Variants in POT1 observed in about 807,000 individuals in gnomAD.
POT1 encodes the protein protection of telomeres protein 1.
In POT1, 47 loss-of-function variants were observed where a neutral mutation model predicts 78.5. That is an observed-to-expected ratio of 0.60 (90% CI 0.47 to 0.76). POT1 has a LOEUF of 0.76. Among genes scored for constraint, POT1 ranks in the 30% least tolerant of loss-of-function variants. The probability of loss-of-function intolerance (pLI) is 0.00; values close to 1 mark genes in which losing one functional copy is unlikely to be tolerated. For synonymous variants in POT1, 259 were observed against 260.7 expected, an observed-to-expected ratio of 0.99 and a Z score of 0.06; for missense variants, 646 against 749.9, an observed-to-expected ratio of 0.86 and a Z score of 1.62.
intron 6 of POT1, among the ~76,000 whole-genome samples, chr7:124,885,429 G>A (rs1261780701): frequency 6.6e-6 from 1 of 151,714 alleles, no homozygotes; most frequent in Non-Finnish European, 1.5e-5. Context: ...CTATGATCTC[G>A]GCAGTGCACT....
intron 8 of POT1, among the ~76,000 whole-genome samples, chr7:124,861,298 T>C (rs530228722): frequency 6.6e-6 from 1 of 152,376 alleles, no homozygotes; most frequent in East Asian, 1.9e-4. Flanking sequence ...ATTGCCATTC[T>C]AACTGGCGTG....
intron 9 of POT1, chr7:124,853,523 A>C (rs1452831523): frequency 6.5e-6 from 1 of 154,382 alleles, no homozygotes; most frequent in Non-Finnish European, 1.4e-5. Flanking sequence ...AAGGTTTCTG[A>C]AAATGCCTTG....
intron 6 of POT1, among the ~76,000 whole-genome samples, chr7:124,878,720 A>T (rs1796048839): frequency 6.6e-6 from 1 of 152,152 alleles, no homozygotes; most frequent in Admixed American, 6.5e-5. Flanking sequence ...AATGATAGCA[A>T]CAAAAAAGAA....
rs1441572601 is a variant in POT1 at position 124,911,951 on chromosome 7, T to G, written c.-154+3623A>C. ...GAATTCTCAGCTAATCCAAAACCCTTATTTTATATTTGATTAAATTTGAAT... is the reference window on the plus strand; with the variant it reads ...GAATTCTCAGCTAATCCAAAACCCTGATTTTATATTTGATTAAATTTGAAT... On this transcript the variant is annotated intron_variant, in intron 3 of 18. Coordinates refer to ENST00000357628, the MANE Select transcript of POT1 (RefSeq NM_015450.3). Among the ~76,000 whole-genome samples the G allele has an allele frequency of 2.0e-5, 3 of 152,082 alleles. No individual in the cohort carries two copies. The East Asian group carries it at 5.8e-4, about 29-fold the overall frequency.
In POT1 at chr7:124,851,923, T is replaced by G; in HGVS notation, c.898A>C (p.Asn300His). ...KDLESANLTA[N>H]QHSDVICQSE... The stretch of plus-strand genomic sequence containing the variant: ...TGACAGATAACATCTGAATGCTGAT[T>G]GGCTGTCAAATTTGCAGATTCTAAA... Residue 300 changes from asparagine to histidine, a missense_variant, in exon 11 of 19, where the codon AAT (asparagine) becomes CAT (histidine). This residue lies in a region of POT1 where 394 missense variants were observed against 408.4 expected (regional missense o/e 0.96). Coordinates refer to ENST00000357628, the MANE Select transcript of POT1 (RefSeq NM_015450.3). 1 of 1,611,562 alleles carries G rather than the reference T, an allele frequency of 6.2e-7. No homozygotes were observed. The highest frequency in any genetic ancestry group is 8.5e-7 in the Non-Finnish European group (1 of 1,177,998).
At position 124,823,957 on chromosome 7, in the gene POT1, C is replaced by T. The variant is rs1309054640; in HGVS notation, c.*5G>A. ...ATTTTATGTATGCTAAATTGGATGGCAATATTAGATTACATCTTCTGCAAC... is the reference window on the plus strand; with the variant it reads ...ATTTTATGTATGCTAAATTGGATGGTAATATTAGATTACATCTTCTGCAAC... On this transcript the variant is annotated 3_prime_UTR_variant, in exon 19 of 19. Transcript: ENST00000357628. The T allele has an allele frequency of 2.0e-6, 3 of 1,532,926 alleles. No individual in the cohort carries two copies. Among genetic ancestry groups the T allele is most frequent in the Middle Eastern group, 1.7e-4 (1 of 5,920 alleles). The allele number at this position is 1,532,926 out of a possible 1,614,324, so 95.0% of individuals were successfully genotyped here.
At chr7:124,917,712 C>T (rs76055894) in intron 2 of POT1, among the ~76,000 whole-genome samples, 2,579 of 152,152 alleles carry the variant, frequency 0.017, 71 homozygotes, top group African/African-American at 0.059. Context: ...TGTATGTGAT[C>T]CAACTAGAAG....
intron 3 of POT1, among the ~76,000 whole-genome samples, chr7:124,902,826 G>A (rs1342632279): frequency 1.3e-5 from 2 of 152,052 alleles, no homozygotes; most frequent in Non-Finnish European, 2.9e-5. Context: ...AAGGGATGGA[G>A]GAAGATCTAC....
chr7:124,879,831 ACATT>A (rs1282974688), intron 6 of POT1, among the ~76,000 whole-genome samples: 1 of 152,154 alleles, frequency 6.6e-6, no homozygotes, highest in Non-Finnish European at 1.5e-5. Flanking sequence ...CCTACTACAT[ACATT>A]AACGGTTTCA....
Position 124,857,567 on chromosome 7 carries a change from T to C in POT1, c.702+1390A>G, listed in dbSNP as rs563631044. ...AGAGGCAGCTGGCCATCAGACACTA[T>C]GGCTGGATGTCAGAGAGAAGCAGCT... On this transcript the variant is annotated intron_variant, in intron 9 of 18. Transcript: ENST00000357628. Among the ~76,000 whole-genome samples the C allele has an allele frequency of 1.2e-4, 19 of 152,302 alleles. No homozygotes were observed. In the East Asian group the frequency reaches 2.7e-3, roughly 22 times the overall value.
In POT1 at chr7:124,866,854, G is replaced by A. The variant is rs117243507; in HGVS notation, c.256-3214C>T. Among the ~76,000 whole-genome samples, 235 of 152,272 alleles carry A rather than the reference G, an allele frequency of 1.5e-3. 2 individuals carry two copies. Among genetic ancestry groups the A allele is most frequent in the Non-Finnish European group, 2.8e-3 (190 of 68,022 alleles). Reference sequence around the variant, plus strand: ...CTAGTCTAGTACCAGTTAATTTTTCGTAACACAGAAGTTCGCTCTGCAGAT... The same window carrying A: ...CTAGTCTAGTACCAGTTAATTTTTCATAACACAGAAGTTCGCTCTGCAGAT... On this transcript the variant is annotated intron_variant, in intron 7 of 18. Coordinates refer to ENST00000357628, the MANE Select transcript of POT1 (RefSeq NM_015450.3).
intron 14 of POT1, 113 bp downstream of exon 14, chr7:124,840,860 A>G (rs1332253127): frequency 5.4e-6 from 4 of 741,032 alleles, no homozygotes; most frequent in Non-Finnish European, 8.3e-6. Flanking sequence ...AAATTTAAAT[A>G]CTATTTTTAC....
At chr7:124,909,329 A>C (rs975765805) in intron 3 of POT1, among the ~76,000 whole-genome samples, 1 of 151,924 alleles carries the variant, frequency 6.6e-6, no homozygotes, top group Non-Finnish European at 1.5e-5. Flanking sequence ...GCAAGGATTA[A>C]AATCTTGTTA....
chr7:124,888,233 T>C (rs12530704), intron 6 of POT1, among the ~76,000 whole-genome samples: 211 of 152,190 alleles, frequency 1.4e-3, no homozygotes, highest in African/African-American at 4.7e-3. Context: ...ACTTTCCCCA[T>C]TATATATTCT....
In POT1 at chr7:124,861,555, T is replaced by C. The variant is rs867806398; in HGVS notation, c.546+1795A>G. On this transcript the variant is annotated intron_variant, in intron 8 of 18. Transcript: ENST00000357628. ...TTTTCTCCCATTCTGTAGGTTGGCCTGTTCACTCTGATGATAGTTTCTCTT... is the reference window on the plus strand; with the variant it reads ...TTTTCTCCCATTCTGTAGGTTGGCCCGTTCACTCTGATGATAGTTTCTCTT... Among the ~76,000 whole-genome samples the C allele has an allele frequency of 1.4e-3, 218 of 152,166 alleles. 2 individuals carry two copies. The highest frequency in any genetic ancestry group is 4.5e-3 in the African/African-American group (187 of 41,536).
In POT1 at chr7:124,822,530, A is replaced by G. The variant is rs192260864; in HGVS notation, c.*1432T>C. On this transcript the variant is annotated 3_prime_UTR_variant, in exon 19 of 19. Coordinates refer to ENST00000357628, the MANE Select transcript of POT1 (RefSeq NM_015450.3). ...GAACATATGGCACCTTTGGACCTCT[A>G]CTCTTCTAGATTGAGGGCTTCCTGA... 8.8e-6 allele frequency: 4 copies of G among 455,256 alleles called. No individual in the cohort carries two copies. The East Asian group carries it at 2.8e-4, about 32-fold the overall frequency. 28.2% of individuals were successfully genotyped at this position (455,256 alleles called of 1,614,324 possible). A position where few individuals can be genotyped will look rare whatever the true frequency, so the allele number is the denominator to read the frequency against.
intron 8 of POT1, among the ~76,000 whole-genome samples, chr7:124,861,782 A>G (rs1562992411): frequency 6.6e-6 from 1 of 152,184 alleles, no homozygotes; most frequent in Non-Finnish European, 1.5e-5. Context: ...ATTTTTGTAT[A>G]AGGTGTAAGG....
chr7:124,922,669 GAAAAT>G (rs1217015032), intron 2 of POT1, among the ~76,000 whole-genome samples: 1 of 151,818 alleles, frequency 6.6e-6, no homozygotes, highest in Non-Finnish European at 1.5e-5. Context: ...AGCCAATGGT[GAAAAT>G]AAAATAGAAT....
chr7:124,857,496 A>G (rs1392290233), intron 9 of POT1, among the ~76,000 whole-genome samples: 2 of 152,176 alleles, frequency 1.3e-5, no homozygotes, highest in African/African-American at 4.8e-5. Context: ...ACCCCACCTG[A>G]CATCCTGTGC....
Sources: allele counts gnomAD v4.1 joint callset (sites outside exome capture counted in the v4.1 genomes callset), GRCh38; gene constraint gnomAD v4.1.1; regional missense constraint gnomAD v4.1.1; transcripts MANE v1.5; gene names NCBI Gene and HGNC (gene_info 2026-07-23, HGNC 2026-07-21).